NCAM2: variants seen among roughly 807,000 people sequenced by gnomAD.
The protein encoded by NCAM2 is neural cell adhesion molecule 2.
In NCAM2, 30 loss-of-function variants were observed where a neutral mutation model predicts 98.1. The ratio of observed to expected loss-of-function variants is 0.31; its 90% CI spans 0.23 to 0.41. The LOEUF (loss-of-function observed/expected upper bound fraction) is 0.41. Among genes scored for constraint, NCAM2 ranks in the 10% least tolerant of loss-of-function variants. NCAM2 has a pLI of 1.00. For synonymous variants in NCAM2, 368 were observed against 342.4 expected, an observed-to-expected ratio of 1.07 and a Z score of -0.83; for missense variants, 867 against 1,005.8, an observed-to-expected ratio of 0.86 and a Z score of 1.87.
intron 1 of NCAM2, among the ~76,000 whole-genome samples, chr21:21,235,942 A>C (rs2070802826): frequency 6.6e-6 from 1 of 152,074 alleles, no homozygotes; most frequent in African/African-American, 2.4e-5. Context: ...TTTCATAACC[A>C]ATTATTTCCT....
chr21:21,343,900 C>G (rs1054242026), intron 8 of NCAM2, among the ~76,000 whole-genome samples: 15 of 152,110 alleles, frequency 9.9e-5, no homozygotes, highest in African/African-American at 3.6e-4. Context: ...ATGTGACATA[C>G]AGATACACCA....
intron 1 of NCAM2, among the ~76,000 whole-genome samples, chr21:21,051,663 GCAAA>G (rs1292654667): frequency 6.6e-6 from 1 of 152,158 alleles, no homozygotes; most frequent in African/African-American, 2.4e-5. Flanking sequence ...TAGGCTCATG[GCAAA>G]CAGTGTTGCT....
At chr21:21,190,060 A>G (rs1453424264) in intron 1 of NCAM2, among the ~76,000 whole-genome samples, 4 of 152,214 alleles carry the variant, frequency 2.6e-5, no homozygotes, top group Non-Finnish European at 4.4e-5. Context: ...AGAAGAATGC[A>G]TATGTGTTTA....
intron 1 of NCAM2, among the ~76,000 whole-genome samples, chr21:21,063,607 A>G (rs986062226): frequency 3.3e-5 from 5 of 152,248 alleles, no homozygotes; most frequent in African/African-American, 1.2e-4. Context: ...TAAATTTTCT[A>G]GTTGTTAAAA....
chr21:21,106,314 C>CA lies in NCAM2; in HGVS notation c.55+107711dup, dbSNP rs202018731. On this transcript the variant is annotated intron_variant, in intron 1 of 17. Transcript: ENST00000400546. ...CAGAATGAGAGACATGTCTCAAAAG[C>CA]AAAAAAAAAAAAAAAGGAACAGCCA... is the stretch of plus-strand genomic sequence containing the variant. Among the ~76,000 whole-genome samples, 69 of 103,468 alleles carry CA rather than the reference C, an allele frequency of 6.7e-4. 5 individuals carry two copies. The South Asian group carries it at 7.3e-3, about 11-fold the overall frequency. The allele number at this position is 103,468 out of a possible 152,430, so 67.9% of individuals were successfully genotyped here.
Position 21,466,613 on chromosome 21 carries a change from T to G in NCAM2, c.1662T>G (p.Val554=). ...GTTTTGTTTTTCTTCTAGCAATGGT[T>G]GTTTTGAACAACCTGGAACCAAATA... ...IVRSHGVQTM[V]VLNNLEPNTT... Residue 554 remains valine, a synonymous_variant, in exon 13 of 18, where the codon GTT becomes GTG. Coordinates refer to ENST00000400546, the MANE Select transcript of NCAM2 (RefSeq NM_004540.5). 6.3e-7 allele frequency: 1 copy of G among 1,592,232 alleles called. No homozygotes were observed.
At chr21:21,345,803 T>G (rs1384721455) in intron 8 of NCAM2, among the ~76,000 whole-genome samples, 1 of 152,100 alleles carries the variant, frequency 6.6e-6, no homozygotes, top group African/African-American at 2.4e-5. Flanking sequence ...AGGTACTACA[T>G]CAAGGGCTTT....
At chr21:21,467,428 T>TTATA (rs72131936) in intron 13 of NCAM2, among the ~76,000 whole-genome samples, 30 of 140,730 alleles carry the variant, frequency 2.1e-4, no homozygotes, top group African/African-American at 3.9e-4. Flanking sequence ...ATATATCTTT[T>TTATA]TATATATATA....
chr21:21,208,995 T>C (rs1478768106), intron 1 of NCAM2, among the ~76,000 whole-genome samples: 2 of 152,192 alleles, frequency 1.3e-5, no homozygotes, highest in Non-Finnish European at 2.9e-5. Flanking sequence ...GACTGGCACA[T>C]TGATGCCTCA....
Position 21,434,632 on chromosome 21 carries a change from T to C in NCAM2, c.1654+2351T>C, listed in dbSNP as rs557263069. Reference sequence around the variant, plus strand: ...TCTCCCTTTCAGTTATTTAATAATATATTTGGCAGACACTGTAGATATATT... The same window carrying C: ...TCTCCCTTTCAGTTATTTAATAATACATTTGGCAGACACTGTAGATATATT... On this transcript the variant is annotated intron_variant, in intron 12 of 17. Transcript: ENST00000400546. Among the ~76,000 whole-genome samples, 4 of 152,274 alleles carry C rather than the reference T, an allele frequency of 2.6e-5. No individual in the cohort carries two copies. The South Asian group carries it at 8.3e-4, about 32-fold the overall frequency.
At chr21:21,107,848 T>G (rs1296300725) in intron 1 of NCAM2, among the ~76,000 whole-genome samples, 1 of 152,114 alleles carries the variant, frequency 6.6e-6, no homozygotes, top group Non-Finnish European at 1.5e-5. Context: ...AATACTTAAT[T>G]TATATCTAGT....
intron 10 of NCAM2, among the ~76,000 whole-genome samples, chr21:21,411,787 T>A (rs1021605243): frequency 7.9e-5 from 12 of 152,138 alleles, no homozygotes; most frequent in Admixed American, 5.9e-4. Flanking sequence ...CCATTTAGAC[T>A]TTAAAAAAAT....
chr21:21,494,088 A>G (rs1446919428), intron 15 of NCAM2, among the ~76,000 whole-genome samples: 1 of 151,932 alleles, frequency 6.6e-6, no homozygotes. Context: ...ATTACCATAG[A>G]TTCCAAGAAA....
chr21:21,208,617 C>A (rs2069528830), intron 1 of NCAM2, among the ~76,000 whole-genome samples: 1 of 151,902 alleles, frequency 6.6e-6, no homozygotes, highest in Non-Finnish European at 1.5e-5. Context: ...ATATCAGATT[C>A]TGATTCTAAA....
chr21:21,519,004 C>T (rs1025225698), intron 16 of NCAM2, among the ~76,000 whole-genome samples: 1 of 152,050 alleles, frequency 6.6e-6, no homozygotes, highest in South Asian at 2.1e-4. Flanking sequence ...GGTAATACAA[C>T]AATCAAGGGA....
At chr21:21,025,764 A>G (rs2064532789) in intron 1 of NCAM2, among the ~76,000 whole-genome samples, 1 of 152,190 alleles carries the variant, frequency 6.6e-6, no homozygotes, top group South Asian at 2.1e-4. Context: ...GATGGAGCTA[A>G]TAATTGGTGA....
chr21:21,374,035 T>G (rs1218187336), intron 9 of NCAM2, 22 bp downstream of exon 9: 10 of 1,591,992 alleles, frequency 6.3e-6, no homozygotes, highest in Non-Finnish European at 8.5e-6. Context: ...TCCTTTGTAT[T>G]TTCATTAAAA....
chr21:21,516,434 G>A (rs1207626544), intron 16 of NCAM2, among the ~76,000 whole-genome samples: 2 of 151,726 alleles, frequency 1.3e-5, no homozygotes, highest in East Asian at 3.9e-4. Flanking sequence ...AAAATGAAAC[G>A]CCATATGCCA....
At chr21:21,295,789 C>T (rs58516269) in intron 5 of NCAM2, among the ~76,000 whole-genome samples, 1,991 of 151,568 alleles carry the variant, frequency 0.013, 46 homozygotes, top group African/African-American at 0.046. Flanking sequence ...TTATCATACA[C>T]ACACACACAA....
Sources: gnomAD v4.1 joint callset for allele counts (sites outside exome capture counted in the v4.1 genomes callset) on GRCh38, gnomAD v4.1.1 for gene constraint, MANE v1.5 for transcripts, NCBI Gene and HGNC (gene_info 2026-07-23, HGNC 2026-07-21) for gene names.